The following HYDIN variants were observed in gnomAD, a reference collection of about 807,000 sequenced individuals.
HYDIN encodes axonemal central pair apparatus protein HYDIN.
A neutral mutation model predicts 403.9 loss-of-function variants in HYDIN; 132 were observed. The ratio of observed to expected loss-of-function variants is 0.33; its 90% CI spans 0.28 to 0.38. The LOEUF (loss-of-function observed/expected upper bound fraction) is 0.38. Ranked by LOEUF, HYDIN falls within the 10% of genes least tolerant of loss-of-function variation. The probability of loss-of-function intolerance (pLI) is 1.00; values close to 1 mark genes in which losing one functional copy is unlikely to be tolerated. For missense variants in HYDIN, 2,827 were observed against 5,009.5 expected (o/e 0.56, Z 13.15); for synonymous variants, 1,202 against 1,891.7 (o/e 0.64, Z 9.46).
intron 7 of HYDIN, 48 bp from the exon 8 acceptor site, chr16:71,137,400 T>TA (rs1327321285): frequency 1.7e-6 from 1 of 576,410 alleles, no homozygotes; most frequent in Non-Finnish European, 3.1e-6. Context: ...ATTCTAAAAT[T>TA]ACACACCTAG....
At chr16:71,082,554 T>G (rs2144346918) in intron 12 of HYDIN, among the ~76,000 whole-genome samples, 1 of 151,464 alleles carries the variant, frequency 6.6e-6, no homozygotes, top group East Asian at 2.0e-4. Flanking sequence ...TGAATTTTGG[T>G]AAATGGAAAT....
chr16:70,943,762 G>A (rs1424503641), intron 42 of HYDIN, 50 bp downstream of exon 42: 1 of 1,587,570 alleles, frequency 6.3e-7, no homozygotes, highest in Non-Finnish European at 8.6e-7. Context: ...GTGTGGGGAT[G>A]GTGCGTGAAT....
intron 13 of HYDIN, among the ~76,000 whole-genome samples, chr16:71,073,436 T>C (rs1185460770): frequency 1.3e-5 from 2 of 152,136 alleles, no homozygotes; most frequent in Non-Finnish European, 1.5e-5. Context: ...CTCCCTACTT[T>C]ACACCCTCCG....
At chr16:70,965,288 G>C (rs1253056291) in intron 36 of HYDIN, among the ~76,000 whole-genome samples, 4 of 151,890 alleles carry the variant, frequency 2.6e-5, no homozygotes, top group African/African-American at 9.7e-5. Flanking sequence ...ATTAAGCAAG[G>C]GTGTGGTCTC....
intron 1 of HYDIN, among the ~76,000 whole-genome samples, chr16:71,199,264 C>A (rs767815784): frequency 1.3e-5 from 2 of 152,142 alleles, no homozygotes; most frequent in Non-Finnish European, 2.9e-5. Flanking sequence ...TTACAAATAT[C>A]TTTTCCCACT....
chr16:70,876,132 G>A (rs376913757), intron 62 of HYDIN, among the ~76,000 whole-genome samples: 2 of 151,382 alleles, frequency 1.3e-5, no homozygotes, highest in African/African-American at 4.9e-5. Flanking sequence ...GTTTTTGTCC[G>A]CCCAGAGCAT....
intron 7 of HYDIN, among the ~76,000 whole-genome samples, chr16:71,151,912 T>G (rs192724326): frequency 6.7e-4 from 102 of 152,302 alleles, no homozygotes; most frequent in Admixed American, 5.1e-3. Context: ...CCTATATTCC[T>G]GTAAGATGTT....
intron 84 of HYDIN, among the ~76,000 whole-genome samples, chr16:70,810,393 C>G (rs920046644): frequency 2.6e-5 from 4 of 152,208 alleles, no homozygotes; most frequent in African/African-American, 7.2e-5. Context: ...CATTATTACC[C>G]ATGGCGAAAC....
intron 6 of HYDIN, among the ~76,000 whole-genome samples, chr16:71,162,116 A>T (rs1567392463): frequency 6.8e-6 from 1 of 147,760 alleles, no homozygotes; most frequent in Non-Finnish European, 1.5e-5. Flanking sequence ...GCAACTTCTG[A>T]CCCACTGAAA....
chr16:70,830,703 T>C (rs1567669547), intron 80 of HYDIN, among the ~76,000 whole-genome samples: 1 of 151,642 alleles, frequency 6.6e-6, no homozygotes. Flanking sequence ...TACTTCTGTA[T>C]GGTATGTTGG....
chr16:71,049,434 T>G (rs1436768512), intron 18 of HYDIN, among the ~76,000 whole-genome samples: 4 of 152,030 alleles, frequency 2.6e-5, no homozygotes, highest in Admixed American at 6.6e-5. Context: ...CTGTGATTTC[T>G]CCAACATCCC....
intron 12 of HYDIN, among the ~76,000 whole-genome samples, chr16:71,086,833 C>T (rs1156838335): frequency 6.6e-6 from 1 of 151,304 alleles, no homozygotes; most frequent in Non-Finnish European, 1.5e-5. Context: ...CCTACTTCTT[C>T]AGAGAACCAC....
rs2035015118 is a variant in HYDIN at position 70,804,318 on chromosome 16, A to G, written c.*3262T>C. Among the ~76,000 whole-genome samples the G allele has an allele frequency of 6.6e-6, 1 of 152,226 alleles. No individual in the cohort carries two copies. Among genetic ancestry groups the G allele is most frequent in the Admixed American group, 6.5e-5 (1 of 15,292 alleles). On this transcript the variant is annotated 3_prime_UTR_variant, in exon 86 of 86. Transcript: ENST00000393567. ...GTTTGTGTGCCCACTGTGCAGTAAC[A>G]GACCAATGCACAGAGACAGTGGGGA...
At chr16:71,203,943 T>C (rs192735331) in intron 1 of HYDIN, 24 of 369,288 alleles carry the variant, frequency 6.5e-5, no homozygotes, top group Admixed American at 2.7e-4. Context: ...TGCACACCTT[T>C]AGTCCCGGCT....
At chr16:70,922,394 T>C (rs900951647) in intron 45 of HYDIN, among the ~76,000 whole-genome samples, 4 of 152,178 alleles carry the variant, frequency 2.6e-5, no homozygotes, top group Non-Finnish European at 4.4e-5. Context: ...ATGAAGAATA[T>C]GGACAATTTT....
At chr16:70,895,845 C>T in intron 54 of HYDIN, 136 bp downstream of exon 54, 8 of 1,388,088 alleles carry the variant, frequency 5.8e-6, no homozygotes, top group East Asian at 2.4e-5. Context: ...CTCTGGGGCT[C>T]ACATTATTAT....
At chr16:71,190,608 C>G (rs919223874) in intron 1 of HYDIN, among the ~76,000 whole-genome samples, 4 of 152,016 alleles carry the variant, frequency 2.6e-5, no homozygotes, top group Non-Finnish European at 5.9e-5. Flanking sequence ...AAATAATTAC[C>G]ATTTTGCAGC....
At chr16:70,916,879 TTTTC>T (rs920621252) in intron 47 of HYDIN, among the ~76,000 whole-genome samples, 3 of 151,992 alleles carry the variant, frequency 2.0e-5, no homozygotes, top group African/African-American at 7.3e-5. Flanking sequence ...CTTCCTCTGT[TTTTC>T]TTTCTTTCTT....
At position 70,920,681 on chromosome 16, in the gene HYDIN, G is replaced by A. The variant is rs770309457; in HGVS notation, c.7695C>T (p.Gly2565=). ...GTGTCTGGATGTCTAGGAAGGGTACGCCCAGGTCCTTCTCCTTCTTCCCTT... is the reference window on the plus strand; with the variant it reads ...GTGTCTGGATGTCTAGGAAGGGTACACCCAGGTCCTTCTCCTTCTTCCCTT... The part of the protein sequence containing the change: ...DHEGKKEKDL[G]VPFLDIQTPD... Residue 2565 remains glycine (G), a synonymous_variant, in exon 46 of 86, where the codon GGC becomes GGT. Transcript: ENST00000393567. The A allele has an allele frequency of 1.1e-5, 17 of 1,612,642 alleles. No individual in the cohort carries two copies. Among genetic ancestry groups the A allele is most frequent in the Admixed American group, 5.0e-5 (3 of 59,790 alleles).
Sources: allele counts gnomAD v4.1 joint callset (sites outside exome capture counted in the v4.1 genomes callset), GRCh38; gene constraint gnomAD v4.1.1; transcripts MANE v1.5; gene names NCBI Gene and HGNC (gene_info 2026-07-23, HGNC 2026-07-21).